EFR3A: variants seen among roughly 807,000 people sequenced by gnomAD.
EFR3A encodes the protein EFR3 homolog A.
A neutral mutation model predicts 104.4 loss-of-function variants in EFR3A; 76 were observed. That is an observed-to-expected ratio of 0.73 (90% CI 0.60 to 0.88). The LOEUF is 0.88. Among genes scored for constraint, EFR3A ranks in the 40% least tolerant of loss-of-function variants. EFR3A has a pLI of 0.00. For missense variants in EFR3A, 985 were observed against 1,012.5 expected (o/e 0.97, Z 0.37); for synonymous variants, 330 against 330.0 (o/e 1.00, Z 0.00).
intron 1 of EFR3A, among the ~76,000 whole-genome samples, chr8:131,922,901 T>C (rs182436117): frequency 6.6e-6 from 1 of 152,308 alleles, no homozygotes; most frequent in African/African-American, 2.4e-5. Flanking sequence ...GTTTTATAAC[T>C]TACAGTAGAT....
At chr8:131,950,805 T>C (rs1338586304) in intron 5 of EFR3A, among the ~76,000 whole-genome samples, 1 of 152,176 alleles carries the variant, frequency 6.6e-6, no homozygotes, top group Non-Finnish European at 1.5e-5. Context: ...GAGGTTGTCA[T>C]GACAACTGTC....
In EFR3A at chr8:131,996,389, A is replaced by C. The variant is rs780491364; in HGVS notation, c.2066-17A>C. Reference sequence around the variant, plus strand: ...ACATTTCTAGCAAATAATGGGAAGAAAACAATTTTATTTTAGATGAAGATC... The same window carrying C: ...ACATTTCTAGCAAATAATGGGAAGACAACAATTTTATTTTAGATGAAGATC... On this transcript the variant is annotated splice_polypyrimidine_tract_variant and intron_variant, in intron 18 of 22. Transcript: ENST00000254624. 6.6e-7 allele frequency: 1 copy of C among 1,511,256 alleles called. No individual in the cohort carries two copies. The highest frequency in any genetic ancestry group is 9.0e-7 in the Non-Finnish European group (1 of 1,107,382). The allele number at this position is 1,511,256 out of a possible 1,614,324, so 93.6% of individuals were successfully genotyped here.
intron 1 of EFR3A, among the ~76,000 whole-genome samples, chr8:131,914,188 A>G (rs75457232): frequency 0.1 from 15,852 of 152,206 alleles, 1,025 homozygotes; most frequent in South Asian, 0.22. Context: ...TTCTGGCTCT[A>G]AGTCCCTATG....
chr8:132,009,597 A>C (rs1018624791), intron 22 of EFR3A, among the ~76,000 whole-genome samples: 25 of 152,204 alleles, frequency 1.6e-4, no homozygotes, highest in African/African-American at 6.0e-4. Context: ...TCAGATTTTC[A>C]AAGAAAAGGG....
At position 131,950,080 on chromosome 8, in the gene EFR3A, A is replaced by G. The variant is rs762703497; in HGVS notation, c.478A>G (p.Ile160Val). ...CCATTCCTGTCATAGTGATCCAGAA[A>G]TACGAACAGAGTATGTATTATTTTA... The part of the protein sequence containing the change: ...MCHSCHSDPE[I>V]RTEIRIAGIR... The change falls in exon 5 of 23, where the codon ATA (isoleucine) becomes GTA (valine). Residue 160 changes from isoleucine (I) to valine (V), a missense_variant. Transcript: ENST00000254624. 6.2e-7 allele frequency: 1 copy of G among 1,607,604 alleles called. No individual in the cohort carries two copies. The highest frequency in any genetic ancestry group is 1.3e-5 in the African/African-American group (1 of 74,750).
chr8:131,976,121 T>A lies in EFR3A; in HGVS notation c.1254T>A (p.Thr418=). 6.3e-7 allele frequency: 1 copy of A among 1,594,238 alleles called. No homozygotes were observed. Among genetic ancestry groups the A allele is most frequent in the East Asian group, 2.2e-5 (1 of 44,550 alleles). Residue 418 remains threonine (T), a synonymous_variant, in exon 11 of 23, where the codon ACT becomes ACA. Coordinates refer to ENST00000254624, the MANE Select transcript of EFR3A (RefSeq NM_015137.6). ...KVPVFGTSTH[T]LDISQLGDLG... ...CTGTCTTTGGAACATCTACCCATAC[T>A]TTGGATATCAGTCAACTAGGGTATG...
chr8:131,947,303 TG>T (rs1818489443), intron 4 of EFR3A, among the ~76,000 whole-genome samples: 1 of 151,978 alleles, frequency 6.6e-6, no homozygotes, highest in African/African-American at 2.4e-5. Context: ...CGTTGACTAT[TG>T]GGTATATTTT....
rs910546014 is a variant in EFR3A, at chr8:131,908,244, T to C, written c.10+3922T>C. Among the ~76,000 whole-genome samples, 5 of 152,072 alleles carry C rather than the reference T, an allele frequency of 3.3e-5. No homozygotes were observed. The South Asian group carries it at 6.2e-4, about 19-fold the overall frequency. On this transcript the variant is annotated intron_variant, in intron 1 of 22. Transcript: ENST00000254624. ...CCCGGCTAATTTTTTGTATTTTTAGTAGAGATGGGATTTCACCGTGTTAGC... is the reference window on the plus strand; with the variant it reads ...CCCGGCTAATTTTTTGTATTTTTAGCAGAGATGGGATTTCACCGTGTTAGC...
At chr8:131,970,887 C>T (rs1371778941) in intron 10 of EFR3A, among the ~76,000 whole-genome samples, 1 of 152,080 alleles carries the variant, frequency 6.6e-6, no homozygotes, top group Non-Finnish European at 1.5e-5. Context: ...TCTTCATTTG[C>T]TTTTACTCTC....
At chr8:131,997,314 G>C (rs896854155) in intron 19 of EFR3A, among the ~76,000 whole-genome samples, 1 of 151,952 alleles carries the variant, frequency 6.6e-6, no homozygotes, top group Admixed American at 6.6e-5. Flanking sequence ...TATCCATATA[G>C]GGAAAGGGAA....
At chr8:131,925,778 T>C (rs934468459) in intron 1 of EFR3A, among the ~76,000 whole-genome samples, 1 of 152,132 alleles carries the variant, frequency 6.6e-6, no homozygotes, top group African/African-American at 2.4e-5. Flanking sequence ...TGGGTTTTAG[T>C]AGAAAGATCT....
intron 3 of EFR3A, 142 bp from the exon 4 acceptor site, chr8:131,946,341 A>G (rs1236598730): frequency 1.5e-6 from 1 of 687,922 alleles, no homozygotes; most frequent in Non-Finnish European, 2.2e-6. Flanking sequence ...GTGAGAATTA[A>G]GATTTTACTT....
chr8:131,919,876 G>A (rs977513089), intron 1 of EFR3A, among the ~76,000 whole-genome samples: 1 of 149,984 alleles, frequency 6.7e-6, no homozygotes, highest in Non-Finnish European at 1.5e-5. Context: ...TTATATATAT[G>A]TATATATATA....
At chr8:131,942,947 G>A (rs1482480243) in intron 2 of EFR3A, among the ~76,000 whole-genome samples, 3 of 152,122 alleles carry the variant, frequency 2.0e-5, no homozygotes, top group Non-Finnish European at 2.9e-5. Flanking sequence ...AAGCAGAGCA[G>A]TGGTTGCCTG....
intron 14 of EFR3A, among the ~76,000 whole-genome samples, chr8:131,981,304 C>T (rs572488801): frequency 1.3e-5 from 2 of 152,096 alleles, no homozygotes; most frequent in African/African-American, 2.4e-5. Context: ...TGTAATTTAA[C>T]GGCAAGATTA....
chr8:131,962,017 T>G (rs1819374066), intron 8 of EFR3A, among the ~76,000 whole-genome samples: 2 of 152,156 alleles, frequency 1.3e-5, no homozygotes, highest in Admixed American at 1.3e-4. Flanking sequence ...GCTGAGAGAT[T>G]TTGTCACCAC....
chr8:131,967,842 A>G (rs1819831857), intron 8 of EFR3A, among the ~76,000 whole-genome samples: 1 of 152,032 alleles, frequency 6.6e-6, no homozygotes, highest in African/African-American at 2.4e-5. Flanking sequence ...GTTAAATAGT[A>G]TTTATCTAGT....
At chr8:131,961,379 G>A (rs1421629201) in intron 8 of EFR3A, among the ~76,000 whole-genome samples, 1 of 152,240 alleles carries the variant, frequency 6.6e-6, no homozygotes, top group Non-Finnish European at 1.5e-5. Context: ...ACCTGATGGA[G>A]CTGAAAACCA....
rs1236570912 is a variant in EFR3A, at chr8:131,987,631, T to C, written c.1994T>C (p.Ile665Thr). The C allele has an allele frequency of 1.3e-6, 2 of 1,598,360 alleles. No homozygotes were observed. The highest frequency in any genetic ancestry group is 1.1e-5 in the South Asian group (1 of 88,526). ...GATTTGTACTTTCTGACCAACAAGA[T>C]TGCAGAGTCGCTAGGTGGAAGTGGA... ...EKDLYFLTNK[I>T]AESLGGSGYS... The change falls in exon 18 of 23, where the codon ATT becomes ACT. Residue 665 changes from isoleucine to threonine, a missense_variant. Physicochemically the swap from Ile to Thr is moderately conservative, Grantham distance 89. Transcript: ENST00000254624.
Sources: gnomAD v4.1 joint callset for allele counts (sites outside exome capture counted in the v4.1 genomes callset) on GRCh38, gnomAD v4.1.1 for gene constraint, MANE v1.5 for transcripts, NCBI Gene and HGNC (gene_info 2026-07-23, HGNC 2026-07-21) for gene names.